Variants in SOX5 observed in about 807,000 individuals in gnomAD.
The protein encoded by SOX5 is transcription factor SOX-5.
Under a neutral mutation model 92.0 loss-of-function variants are expected in SOX5, and 9 were observed. The ratio of observed to expected loss-of-function variants is 0.10; its 90% CI spans 0.06 to 0.17. The LOEUF (loss-of-function observed/expected upper bound fraction) is 0.17. Among genes scored for constraint, SOX5 ranks in the 10% least tolerant of loss-of-function variants. SOX5 has a pLI of 1.00. For synonymous variants in SOX5, 344 were observed against 336.3 expected, an observed-to-expected ratio of 1.02 and a Z score of -0.25; for missense variants, 642 against 944.5, an observed-to-expected ratio of 0.68 and a Z score of 4.20.
intron 4 of SOX5, among the ~76,000 whole-genome samples, chr12:24,104,122 C>T (rs994750901): frequency 9.9e-5 from 15 of 152,054 alleles, no homozygotes; most frequent in Non-Finnish European, 1.3e-4. Context: ...AGAATTTTAT[C>T]TATGTTATTG....
intron 2 of SOX5, among the ~76,000 whole-genome samples, chr12:23,863,840 A>ACT (rs1414986824): frequency 5.0e-5 from 7 of 139,616 alleles, no homozygotes; most frequent in Non-Finnish European, 9.4e-5. Context: ...ACACACACAC[A>ACT]CTCTGAAATA....
rs931273677 is a variant in SOX5, at chr12:24,240,281, G to T, written c.-76-26864C>A. Reference sequence around the variant, plus strand: ...CAGCTAATCTTTGGCTCCAAATTAGGACCTCTCTACTCTGTCTGTTGTAAC... The same window carrying T: ...CAGCTAATCTTTGGCTCCAAATTAGTACCTCTCTACTCTGTCTGTTGTAAC... On this transcript the variant is annotated intron_variant, in intron 3 of 4. Transcript: ENST00000446891. Among the ~76,000 whole-genome samples, 5 of 152,190 alleles carry T rather than the reference G, an allele frequency of 3.3e-5. No homozygotes were observed. The South Asian group carries it at 1.0e-3, about 32-fold the overall frequency.
intron 1 of SOX5, among the ~76,000 whole-genome samples, chr12:24,525,123 T>C (rs1950588785): frequency 6.6e-6 from 1 of 152,318 alleles, no homozygotes; most frequent in African/African-American, 2.4e-5. Context: ...CTATTCACAA[T>C]AGCCAATATG....
intron 7 of SOX5, among the ~76,000 whole-genome samples, chr12:23,644,010 A>T (rs1366142389): frequency 6.6e-6 from 1 of 152,104 alleles, no homozygotes; most frequent in African/African-American, 2.4e-5. Flanking sequence ...CCTGGTATTT[A>T]TGTCCCATGT....
chr12:24,444,437 C>T (rs1396273417), intron 1 of SOX5, among the ~76,000 whole-genome samples: 1 of 152,166 alleles, frequency 6.6e-6, no homozygotes, highest in Admixed American at 6.5e-5. Flanking sequence ...ATAAATTCAT[C>T]ATTAACAGGA....
At chr12:23,575,153 A>G (rs1335747379) in intron 10 of SOX5, among the ~76,000 whole-genome samples, 1 of 152,212 alleles carries the variant, frequency 6.6e-6, no homozygotes, top group Non-Finnish European at 1.5e-5. Context: ...CTGAATTTAC[A>G]ATTATATAGA....
chr12:24,111,842 T>G (rs561485039), intron 4 of SOX5, among the ~76,000 whole-genome samples: 1 of 152,192 alleles, frequency 6.6e-6, no homozygotes, highest in Non-Finnish European at 1.5e-5. Context: ...AAATTATTTT[T>G]CCTTGACCTT....
intron 4 of SOX5, among the ~76,000 whole-genome samples, chr12:23,998,214 G>A (rs1315091378): frequency 2.0e-5 from 3 of 152,020 alleles, no homozygotes; most frequent in Admixed American, 6.6e-5. Flanking sequence ...TGATGGCAAT[G>A]ATTGATCAAA....
intron 2 of SOX5, among the ~76,000 whole-genome samples, chr12:24,356,155 A>G (rs2141215973): frequency 6.6e-6 from 1 of 152,362 alleles, no homozygotes; most frequent in East Asian, 1.9e-4. Flanking sequence ...TATTACCAAT[A>G]TAGCATAAAA....
intron 4 of SOX5, among the ~76,000 whole-genome samples, chr12:24,179,930 T>A (rs1227368867): frequency 6.7e-6 from 1 of 149,284 alleles, no homozygotes; most frequent in East Asian, 2.1e-4. Flanking sequence ...GGCCTTATAA[T>A]CTTTTTTTTT....
chr12:24,440,820 G>A (rs928221150), intron 1 of SOX5, among the ~76,000 whole-genome samples: 1 of 152,178 alleles, frequency 6.6e-6, no homozygotes, highest in Non-Finnish European at 1.5e-5. Flanking sequence ...ATCCTAAACA[G>A]ATGGTTTGAC....
chr12:24,318,723 C>A (rs998306004), intron 2 of SOX5, among the ~76,000 whole-genome samples: 3 of 151,972 alleles, frequency 2.0e-5, no homozygotes, highest in African/African-American at 7.3e-5. Context: ...TTTGATAGTC[C>A]CTAGTACATA....
chr12:24,153,089 C>T (rs1393943634), intron 4 of SOX5, among the ~76,000 whole-genome samples: 2 of 152,110 alleles, frequency 1.3e-5, no homozygotes, highest in African/African-American at 4.8e-5. Flanking sequence ...ATGATGCTTG[C>T]TCCAAGCAGC....
chr12:24,441,824 C>G (rs1163136374), intron 1 of SOX5, among the ~76,000 whole-genome samples: 1 of 152,040 alleles, frequency 6.6e-6, no homozygotes, highest in Non-Finnish European at 1.5e-5. Flanking sequence ...CTAACCCAGT[C>G]TGTTGGAACG....
At chr12:24,321,101 G>A (rs987414576) in intron 2 of SOX5, among the ~76,000 whole-genome samples, 3 of 152,126 alleles carry the variant, frequency 2.0e-5, no homozygotes, top group African/African-American at 7.2e-5. Flanking sequence ...CTGGTTGTAT[G>A]AGAATGTTAG....
Position 23,583,512 on chromosome 12 carries a change from T to C in SOX5, c.1165-7674A>G, listed in dbSNP as rs368567729. Among the ~76,000 whole-genome samples, 141 of 152,264 alleles carry C rather than the reference T, an allele frequency of 9.3e-4. No homozygotes were observed. In the Middle Eastern group the frequency reaches 0.01, roughly 11 times the overall value. On this transcript the variant is annotated intron_variant, in intron 9 of 14. Coordinates refer to ENST00000451604, the MANE Select transcript of SOX5 (RefSeq NM_006940.6). ...GTAGGAAATGTATGGTGTTTCCAAT[T>C]CAACTTTGTTTAACCTCTGGTCCCC...
chr12:23,784,548 G>A (rs867782070), intron 3 of SOX5, among the ~76,000 whole-genome samples: 4 of 152,078 alleles, frequency 2.6e-5, no homozygotes, highest in Admixed American at 6.6e-5. Context: ...GGATGGTCTC[G>A]ATCTCTTGAC....
chr12:23,580,919 T>C (rs903489852), intron 9 of SOX5, among the ~76,000 whole-genome samples: 8 of 152,058 alleles, frequency 5.3e-5, no homozygotes, highest in Admixed American at 6.6e-5. Context: ...GAATACCAAT[T>C]GTCACCATAA....
intron 6 of SOX5, among the ~76,000 whole-genome samples, chr12:23,683,940 A>C (rs2139867329): frequency 1.3e-5 from 2 of 152,124 alleles, no homozygotes; most frequent in South Asian, 4.1e-4. Flanking sequence ...AGGAAGTTAG[A>C]AAAGATGAGA....
Sources: allele counts gnomAD v4.1 joint callset (sites outside exome capture counted in the v4.1 genomes callset), GRCh38; gene constraint gnomAD v4.1.1; transcripts MANE v1.5; gene names NCBI Gene and HGNC (gene_info 2026-07-23, HGNC 2026-07-21).